Variants in DMD observed in about 807,000 individuals in gnomAD.
DMD encodes the protein dystrophin, also known as mutant dystrophin.
Under a neutral mutation model 330.1 loss-of-function variants are expected in DMD, and 63 were observed. That is an observed-to-expected ratio of 0.19 (90% CI 0.16 to 0.24). DMD has a LOEUF of 0.24. DMD is among the 10% of genes least tolerant of loss of function. The pLI is 1.00. For missense variants in DMD, 3,344 were observed against 2,684.1 expected (o/e 1.25, Z -5.43); for synonymous variants, 1,223 against 959.8 (o/e 1.27, Z -5.07).
At chrX:31,337,669 G>A (rs2057481458) in intron 61 of DMD, among the ~76,000 whole-genome samples, 1 of 112,085 alleles carries the variant, frequency 8.9e-6, no homozygotes, top group Non-Finnish European at 1.9e-5. Flanking sequence ...TCTGGGTAGT[G>A]TAAAAATACA....
chrX:32,262,954 C>T (rs1435967739), intron 43 of DMD, among the ~76,000 whole-genome samples: 1 of 111,676 alleles, frequency 9.0e-6, no homozygotes, highest in African/African-American at 3.3e-5. Flanking sequence ...CCTCTCTCTC[C>T]TCAATCCTGC....
chrX:33,056,453 A>T (rs1268475171), intron 1 of DMD, among the ~76,000 whole-genome samples: 1 of 109,182 alleles, frequency 9.2e-6, no homozygotes, highest in Admixed American at 9.8e-5. Context: ...CACTGTCTCC[A>T]GGGTTCAAGC....
chrX:31,989,648 C>A (rs1005820732), intron 44 of DMD, among the ~76,000 whole-genome samples: 2 of 109,923 alleles, frequency 1.8e-5, no homozygotes, highest in African/African-American at 3.3e-5. Context: ...CATGCTAATA[C>A]GGGGAAAAAA....
intron 60 of DMD, among the ~76,000 whole-genome samples, chrX:31,406,370 G>A (rs1427249259): frequency 9.0e-6 from 1 of 110,628 alleles, no homozygotes; most frequent in African/African-American, 3.3e-5. Flanking sequence ...ACCTTCACAT[G>A]TACCGTCAAA....
At chrX:32,394,923 A>AAAAAAAC (rs2098032369) in intron 30 of DMD, among the ~76,000 whole-genome samples, 2 of 92,611 alleles carry the variant, frequency 2.2e-5, no homozygotes, top group African/African-American at 4.2e-5. Context: ...AAACAAAAAA[A>AAAAAAAC]AAAAAAAAAA....
rs139078703 is a variant in DMD at position 31,161,264 on chromosome X, G to A, written c.10553+8179C>T. Reference sequence around the variant, plus strand: ...TTTCCTATTATCTCCCTGGCTACAGGGAAGCTCAAACTGAATCTGAAGCTT... The same window carrying A: ...TTTCCTATTATCTCCCTGGCTACAGAGAAGCTCAAACTGAATCTGAAGCTT... On this transcript the variant is annotated intron_variant, in intron 74 of 78. Transcript: ENST00000357033. 5.6e-3 allele frequency among the ~76,000 whole-genome samples: 628 copies of A among 111,668 alleles called. 7 individuals are homozygous for A. Among genetic ancestry groups the A allele is most frequent in the African/African-American group, 0.02 (600 of 30,693 alleles).
chrX:32,731,403 G>A (rs899621603), intron 7 of DMD, among the ~76,000 whole-genome samples: 27 of 112,540 alleles, frequency 2.4e-4, no homozygotes, highest in African/African-American at 8.8e-4. Flanking sequence ...ACTGGGTGGA[G>A]CCCACCACAA....
chrX:32,446,142 T>G (rs908425740), intron 27 of DMD, among the ~76,000 whole-genome samples: 1 of 110,709 alleles, frequency 9.0e-6, no homozygotes, highest in Non-Finnish European at 1.9e-5. Context: ...AAAGAAAATC[T>G]TCACAAAGAC....
chrX:31,412,614 G>A (rs771384567), intron 60 of DMD, among the ~76,000 whole-genome samples: 9 of 111,875 alleles, frequency 8.0e-5, no homozygotes, highest in African/African-American at 2.9e-4. Flanking sequence ...TGGTGACAAC[G>A]AGAATTGAGG....
chrX:32,844,417 A>AAAGAAAAG lies in DMD; in HGVS notation c.264+365_264+366insCTTTTCTT, dbSNP rs1557079053. On this transcript the variant is annotated intron_variant, in intron 4 of 78. Transcript: ENST00000357033. ...GCGAGACTCCATCTCAAAAAAAAAA[A>AAAGAAAAG]AAAAGAAAAGAAAAGAAAAGAAAAG... 7.9e-4 allele frequency among the ~76,000 whole-genome samples: 47 copies of AAAGAAAAG among 59,238 alleles called. 1 individual carries two copies. Among genetic ancestry groups the AAAGAAAAG allele is most frequent in the African/African-American group, 5.6e-3 (46 of 8,255 alleles). 51.4% of individuals were successfully genotyped at this position (59,238 alleles called of 115,157 possible). A position where few individuals can be genotyped will look rare whatever the true frequency, so the allele number is the denominator to read the frequency against.
intron 59 of DMD, among the ~76,000 whole-genome samples, chrX:31,446,482 A>C (rs1395204778): frequency 1.8e-5 from 2 of 111,782 alleles, no homozygotes; most frequent in Non-Finnish European, 3.8e-5. Context: ...ATGCAAAAAA[A>C]AAATCATATG....
intron 54 of DMD, among the ~76,000 whole-genome samples, chrX:31,629,606 C>T (rs139509729): frequency 5.1e-4 from 57 of 111,689 alleles, no homozygotes; most frequent in African/African-American, 1.5e-3. Flanking sequence ...CGTGGACTGC[C>T]GGCTCCCTGC....
At chrX:33,025,082 CA>C (rs1188023568) in intron 1 of DMD, among the ~76,000 whole-genome samples, 1 of 111,427 alleles carries the variant, frequency 9.0e-6, no homozygotes, top group African/African-American at 3.3e-5. Flanking sequence ...TTTGCATAAA[CA>C]AAAATATATA....
At chrX:31,888,678 T>G (rs1052008147) in intron 47 of DMD, among the ~76,000 whole-genome samples, 2 of 111,897 alleles carry the variant, frequency 1.8e-5, no homozygotes, top group Non-Finnish European at 3.8e-5. Flanking sequence ...ACTGGTCTCG[T>G]GGTAAAATAT....
chrX:33,181,540 C>T (rs1359262047), intron 1 of DMD, among the ~76,000 whole-genome samples: 1 of 111,561 alleles, frequency 9.0e-6, no homozygotes, highest in East Asian at 2.8e-4. Context: ...GAAAGTTTGA[C>T]TTTCAAAGTC....
chrX:32,812,116 TCA>T (rs1185263628), intron 6 of DMD, among the ~76,000 whole-genome samples: 4 of 111,304 alleles, frequency 3.6e-5, no homozygotes. Context: ...CTATTCTGAA[TCA>T]CAGACACCTT....
rs760895075 is a variant in DMD at position 32,383,133 on chromosome X, T to C, written c.4675-2453A>G. Among the ~76,000 whole-genome samples, 17 of 110,826 alleles carry C rather than the reference T, an allele frequency of 1.5e-4. 1 individual carries two copies. The South Asian group carries it at 6.4e-3, about 42-fold the overall frequency. On this transcript the variant is annotated intron_variant, in intron 33 of 78. Transcript: ENST00000357033. ...TTAATATCTCTTAATAAATTAATTATATTTTCTCTCCCCACTCATCACCAT... is the reference window on the plus strand; with the variant it reads ...TTAATATCTCTTAATAAATTAATTACATTTTCTCTCCCCACTCATCACCAT...
chrX:32,854,316 C>CA (rs1278903840), intron 2 of DMD, among the ~76,000 whole-genome samples: 1 of 111,254 alleles, frequency 9.0e-6, no homozygotes, highest in Non-Finnish European at 1.9e-5. Context: ...GCCTTAAATT[C>CA]AAAAAATTGA....
intron 63 of DMD, among the ~76,000 whole-genome samples, chrX:31,254,674 C>T (rs767308254): frequency 1.1e-4 from 12 of 111,525 alleles, no homozygotes; most frequent in African/African-American, 3.6e-4. Context: ...CTAAATTCTA[C>T]TCTGTTGGTC....
Sources: allele counts gnomAD v4.1 joint callset (sites outside exome capture counted in the v4.1 genomes callset), GRCh38; gene constraint gnomAD v4.1.1; transcripts MANE v1.5; gene names NCBI Gene and HGNC (gene_info 2026-07-23, HGNC 2026-07-21).